ATP6V0A4: variants seen among roughly 807,000 people sequenced by gnomAD.
ATP6V0A4 encodes the protein V-type proton ATPase 116 kDa subunit a 4.
In ATP6V0A4, 86 loss-of-function variants were observed where a neutral mutation model predicts 107.3. The ratio of observed to expected loss-of-function variants is 0.80; its 90% CI spans 0.67 to 0.96. The LOEUF (loss-of-function observed/expected upper bound fraction) is 0.96, where lower values mean the gene tolerates loss of function less well. ATP6V0A4 is among the 40% of genes least tolerant of loss of function. The pLI is 0.00. For synonymous variants in ATP6V0A4, 353 were observed against 381.4 expected (o/e 0.93, Z 0.87); for missense variants, 908 against 1,045.6 (o/e 0.87, Z 1.81).
rs1048280397 is a variant in ATP6V0A4 at position 138,773,130 on chromosome 7, G to A, written c.-17-1866C>T. On this transcript the variant is annotated intron_variant, in intron 2 of 21. Transcript: ENST00000310018. The surrounding 1 kb of genome is among the most constrained non-coding windows in gnomAD (Gnocchi z 5.4). ...GAGTATCTACTGTGTGCTCGATACTGGGCCTACCCATTGTCCCAGTTTCAC... is the reference window on the plus strand; with the variant it reads ...GAGTATCTACTGTGTGCTCGATACTAGGCCTACCCATTGTCCCAGTTTCAC... Among the ~76,000 whole-genome samples the A allele has an allele frequency of 2.0e-5, 3 of 152,112 alleles. No homozygotes were observed. Among genetic ancestry groups the A allele is most frequent in the Non-Finnish European group, 4.4e-5 (3 of 68,030 alleles).
At chr7:138,728,699 C>T in intron 18 of ATP6V0A4, 62 bp downstream of exon 18, 1 of 1,607,744 alleles carries the variant, frequency 6.2e-7, no homozygotes. Context: ...ACCCAAGATT[C>T]ATCTTTCCAG....
intron 17 of ATP6V0A4, among the ~76,000 whole-genome samples, chr7:138,729,449 G>A (rs1160242702): frequency 1.3e-5 from 2 of 152,136 alleles, no homozygotes; most frequent in Non-Finnish European, 2.9e-5. Context: ...TTACTCAACA[G>A]GCTCTGGGTT....
At chr7:138,791,526 C>G (rs1563024537) in intron 1 of ATP6V0A4, among the ~76,000 whole-genome samples, 3 of 152,142 alleles carry the variant, frequency 2.0e-5, no homozygotes, top group Admixed American at 6.6e-5. Flanking sequence ...TTCAGCACAT[C>G]AGAGTAAAAC....
intron 15 of ATP6V0A4, among the ~76,000 whole-genome samples, chr7:138,736,160 T>C (rs943790496): frequency 1.6e-4 from 24 of 152,112 alleles, no homozygotes; most frequent in Middle Eastern, 3.2e-3. Flanking sequence ...GCAGGGAGAT[T>C]GAGGCCCAGG....
At chr7:138,766,847 C>T (rs1254910962) in intron 5 of ATP6V0A4, among the ~76,000 whole-genome samples, 1 of 152,194 alleles carries the variant, frequency 6.6e-6, no homozygotes, top group Admixed American at 6.5e-5. Context: ...TCAAGACAGG[C>T]TCTATGCTGG....
intron 20 of ATP6V0A4, 24 bp downstream of exon 20, chr7:138,715,740 C>A: frequency 6.2e-7 from 1 of 1,607,232 alleles, no homozygotes; most frequent in Non-Finnish European, 8.5e-7. Flanking sequence ...AGCTGACTGT[C>A]CCCCCGATGG....
intron 4 of ATP6V0A4, 89 bp from the exon 5 acceptor site, chr7:138,768,963 C>A (rs1807229221): frequency 3.2e-6 from 5 of 1,584,474 alleles, no homozygotes; most frequent in Non-Finnish European, 4.3e-6. Flanking sequence ...GTGCCTTTCA[C>A]TCAGCTCAGC....
In ATP6V0A4 at chr7:138,771,152, G is replaced by A. The variant is rs369316531; in HGVS notation, c.96C>T (p.Leu32=). 61 of 1,613,850 alleles carry A rather than the reference G, an allele frequency of 3.8e-5. No homozygotes were observed. Among genetic ancestry groups the A allele is most frequent in the Non-Finnish European group, 4.5e-5 (53 of 1,180,002 alleles). Residue 32 remains leucine (L), a synonymous_variant, in exon 3 of 22, where the codon CTC becomes CTT. Transcript: ENST00000310018. ...AYCCVAELGE[L]GLVQFKDLNM... ...CTACATCTTTGAACTGAACCAATCCGAGCTCTCCGAGCTCAGCCACACAGC... is the reference window on the plus strand; with the variant it reads ...CTACATCTTTGAACTGAACCAATCCAAGCTCTCCGAGCTCAGCCACACAGC...
At chr7:138,714,943 A>G (rs1803955067) in intron 20 of ATP6V0A4, among the ~76,000 whole-genome samples, 1 of 152,252 alleles carries the variant, frequency 6.6e-6, no homozygotes, top group Non-Finnish European at 1.5e-5. Context: ...GATATGCCCA[A>G]TGTCATCACT....
intron 20 of ATP6V0A4, among the ~76,000 whole-genome samples, chr7:138,715,390 G>A (rs765305587): frequency 9.9e-5 from 15 of 152,032 alleles, no homozygotes; most frequent in East Asian, 1.9e-4. Context: ...CAGTAGAGAC[G>A]GGTTTCACCA....
chr7:138,770,416 A>C (rs989019448), intron 3 of ATP6V0A4, among the ~76,000 whole-genome samples: 2 of 152,186 alleles, frequency 1.3e-5, no homozygotes, highest in African/African-American at 4.8e-5. Context: ...CATGTAACGT[A>C]TCACAGTCAT....
chr7:138,784,346 T>C (rs1584951192), intron 2 of ATP6V0A4, among the ~76,000 whole-genome samples: 1 of 140,258 alleles, frequency 7.1e-6, no homozygotes, highest in Non-Finnish European at 1.5e-5. Flanking sequence ...TGAGATGGAG[T>C]CTCACTCTGT....
At chr7:138,764,021 T>A (rs974750962) in intron 5 of ATP6V0A4, among the ~76,000 whole-genome samples, 21 of 149,630 alleles carry the variant, frequency 1.4e-4, no homozygotes, top group Admixed American at 1.2e-3. Flanking sequence ...CACACGTATG[T>A]ATATATGTAT....
intron 18 of ATP6V0A4, among the ~76,000 whole-genome samples, chr7:138,724,277 T>G (rs1804596723): frequency 6.6e-6 from 1 of 151,728 alleles, no homozygotes. Context: ...TATGTTGAAA[T>G]TCAGAATTCA....
At chr7:138,769,986 G>A (rs1054910224) in intron 3 of ATP6V0A4, among the ~76,000 whole-genome samples, 1 of 152,152 alleles carries the variant, frequency 6.6e-6, no homozygotes, top group Non-Finnish European at 1.5e-5. Context: ...GGGAGGTCAA[G>A]GCTACAATGA....
At chr7:138,753,816 G>A (rs1372805673) in intron 10 of ATP6V0A4, among the ~76,000 whole-genome samples, 1 of 152,118 alleles carries the variant, frequency 6.6e-6, no homozygotes, top group Non-Finnish European at 1.5e-5. Context: ...GGAGACAAGA[G>A]CACCTCAGCA....
Position 138,785,278 on chromosome 7 carries a change from CTT to C in ATP6V0A4, c.-18+878_-18+879del, listed in dbSNP as rs67440202. ...CTGAATACTTCTCACTTTCTTTTTT[CTT>C]TTTTTTTTTTTTTTGAGTGGAGTCT... is the stretch of plus-strand genomic sequence containing the variant. On this transcript the variant is annotated intron_variant, in intron 2 of 21. Transcript: ENST00000310018. Among the ~76,000 whole-genome samples the C allele has an allele frequency of 7.1e-3, 931 of 131,590 alleles. 7 individuals are homozygous for C. Among genetic ancestry groups the C allele is most frequent in the Non-Finnish European group, 0.01 (620 of 61,960 alleles). 86.3% of individuals were successfully genotyped at this position (131,590 alleles called of 152,430 possible).
chr7:138,764,178 A>T (rs1169837095), intron 5 of ATP6V0A4, among the ~76,000 whole-genome samples: 1 of 151,914 alleles, frequency 6.6e-6, no homozygotes, highest in Non-Finnish European at 1.5e-5. Flanking sequence ...ATGAAAAAAT[A>T]AAGAAAAATA....
chr7:138,765,006 G>C (rs1448313971), intron 5 of ATP6V0A4: 1 of 152,088 alleles, frequency 6.6e-6, no homozygotes, highest in Non-Finnish European at 1.5e-5. Flanking sequence ...TGTTGGCCAG[G>C]CTAGTCTCAA....
Sources: allele counts gnomAD v4.1 joint callset (sites outside exome capture counted in the v4.1 genomes callset), GRCh38; gene constraint gnomAD v4.1.1; non-coding constraint Gnocchi (gnomAD v3.1); transcripts MANE v1.5; gene names NCBI Gene and HGNC (gene_info 2026-07-23, HGNC 2026-07-21).